Variants in P4HA2 observed in about 807,000 individuals in gnomAD.
P4HA2 encodes prolyl 4-hydroxylase subunit alpha 2.
In P4HA2, 46 loss-of-function variants were observed where a neutral mutation model predicts 76.9. That is an observed-to-expected ratio of 0.60 (90% CI 0.47 to 0.76). P4HA2 has a LOEUF of 0.76. Ranked by LOEUF, P4HA2 falls within the 30% of genes least tolerant of loss-of-function variation. P4HA2 has a pLI of 0.00. For synonymous variants in P4HA2, 243 were observed against 254.0 expected (o/e 0.96, Z 0.41); for missense variants, 583 against 669.4 (o/e 0.87, Z 1.42).
intron 8 of P4HA2, among the ~76,000 whole-genome samples, chr5:132,206,465 A>C (rs181775172): frequency 2.1e-4 from 32 of 152,330 alleles, no homozygotes; most frequent in African/African-American, 7.0e-4. Flanking sequence ...AGGTCTCTCC[A>C]TGAGTGTCGG....
intron 1 of P4HA2, among the ~76,000 whole-genome samples, chr5:132,223,628 T>C (rs1258637591): frequency 1.3e-5 from 2 of 152,206 alleles, no homozygotes; most frequent in Non-Finnish European, 2.9e-5. Context: ...AAGCATTAAG[T>C]ACTTAAGCTC....
intron 4 of P4HA2, 79 bp downstream of exon 4, chr5:132,217,118 G>C (rs1323875548): frequency 3.6e-6 from 5 of 1,404,120 alleles, no homozygotes; most frequent in Non-Finnish European, 4.9e-6. Flanking sequence ...CCAGACCCAA[G>C]ACAGGCTCAG....
chr5:132,204,044 G>T, intron 9 of P4HA2, 38 bp downstream of exon 9: 1 of 1,553,248 alleles, frequency 6.4e-7, no homozygotes, highest in Non-Finnish European at 8.9e-7. Context: ...TCCTGAAGTT[G>T]GGGCTTGAGC....
In P4HA2 at chr5:132,198,361, A is replaced by G; in HGVS notation, c.1325T>C (p.Leu442Pro). The G allele has an allele frequency of 1.2e-6, 2 of 1,613,702 alleles. No homozygotes were observed. The highest frequency in any genetic ancestry group is 1.7e-6 in the Non-Finnish European group (2 of 1,180,032). Residue 442 changes from leucine (L) to proline (P), a missense_variant, in exon 12 of 15, where the codon CTC becomes CCC. By Grantham distance (98) the Leu-to-Pro change is moderately conservative. Transcript: ENST00000360568. ...CGCTAACCTATTCCCCTCTGTTTTG[A>G]GGCCGCTGTCAAAAGGTCGCTGCAA... ...DFSRRPFDSG[L>P]KTEGNRLATF...
rs781241900 is a variant in P4HA2, at chr5:132,209,223, G to A, written c.818C>T (p.Pro273Leu). 1.1e-5 allele frequency: 17 copies of A among 1,613,834 alleles called. No individual in the cohort carries two copies. In the African/African-American group the frequency reaches 2.3e-4, roughly 22 times the overall value. ...CACAGGCCTCTCATAGATGCCTTCT[G>A]GGGTTGCTAGCTCAGCTTCTGTCTG... is the stretch of plus-strand genomic sequence containing the variant. ...TNQTEAELATPEGIYERPVDY... is the reference protein window; with the variant it reads ...TNQTEAELATLEGIYERPVDY... The change falls in exon 7 of 15, where the codon CCA (proline) becomes CTA (leucine). Residue 273 changes from proline (P) to leucine (L), a missense_variant. Physicochemically the swap from Pro to Leu is moderately conservative, Grantham distance 98. Coordinates refer to ENST00000360568, the MANE Select transcript of P4HA2 (RefSeq NM_001017974.2).
intron 10 of P4HA2, chr5:132,201,134 G>A (rs1000713188): frequency 1.3e-5 from 2 of 152,222 alleles, no homozygotes; most frequent in Non-Finnish European, 2.9e-5. Context: ...TTTGAAAGAT[G>A]TGGGTATTTA....
intron 12 of P4HA2, among the ~76,000 whole-genome samples, chr5:132,197,230 G>T (rs1255953527): frequency 6.6e-6 from 1 of 152,146 alleles, no homozygotes; most frequent in East Asian, 1.9e-4. Context: ...GAGAGCTAAG[G>T]CTATCTCCTC....
At position 132,218,518 on chromosome 5, in the gene P4HA2, G is replaced by C; in HGVS notation, c.82+27C>G. On this transcript the variant is annotated intron_variant, in intron 2 of 14. Transcript: ENST00000360568. ...CGTGGCATGTGAGCCAAGGTGTCAG[G>C]GAGACGACAGTCCTGTTGGCACGTA... 4 of 1,520,540 alleles carry C rather than the reference G, an allele frequency of 2.6e-6. No homozygotes were observed. The Admixed American group carries it at 6.7e-5, about 25-fold the overall frequency. The allele number at this position is 1,520,540 out of a possible 1,614,324, so 94.2% of individuals were successfully genotyped here. A position where few individuals can be genotyped will look rare whatever the true frequency, so the allele number is the denominator to read the frequency against.
chr5:132,208,989 CAT>C (rs1171079255), intron 7 of P4HA2, 147 bp downstream of exon 7: 6 of 642,462 alleles, frequency 9.3e-6, no homozygotes, highest in Non-Finnish European at 1.6e-5. Context: ...AGAATATCCA[CAT>C]GTCAGCCTCA....
rs531938546 is a variant in P4HA2, at chr5:132,193,245, C to T, written c.1532-165G>A. 8 of 589,452 alleles carry T rather than the reference C, an allele frequency of 1.4e-5. No homozygotes were observed. In the East Asian group the frequency reaches 2.2e-4, roughly 16 times the overall value. The allele number at this position is 589,452 out of a possible 1,614,324, so 36.5% of individuals were successfully genotyped here. On this transcript the variant is annotated intron_variant, in intron 14 of 14. Coordinates refer to ENST00000360568, the MANE Select transcript of P4HA2 (RefSeq NM_001017974.2). ...TGCTGAAGAATTGGTAAGGAAGACA[C>T]ATGTAAACAGATAATTGTATGAAAT...
chr5:132,212,773 T>C (rs1228238330), intron 5 of P4HA2, among the ~76,000 whole-genome samples: 1 of 152,206 alleles, frequency 6.6e-6, no homozygotes, highest in Non-Finnish European at 1.5e-5. Flanking sequence ...AATTCCTTTC[T>C]GCCCCATAAC....
At chr5:132,212,206 G>A (rs978968615) in intron 5 of P4HA2, among the ~76,000 whole-genome samples, 4 of 152,110 alleles carry the variant, frequency 2.6e-5, no homozygotes, top group Admixed American at 6.5e-5. Context: ...AGTCATGCAG[G>A]ACCCCAAAGA....
At chr5:132,227,048 T>C (rs933692892) in intron 1 of P4HA2, 2 of 152,624 alleles carry the variant, frequency 1.3e-5, no homozygotes, top group African/African-American at 4.8e-5. Flanking sequence ...CTCTACCAAG[T>C]ACCCACTGCC....
intron 6 of P4HA2, among the ~76,000 whole-genome samples, chr5:132,210,021 CAG>C (rs2126590060): frequency 6.6e-6 from 1 of 152,272 alleles, no homozygotes; most frequent in African/African-American, 2.4e-5. Flanking sequence ...TACACCATAA[CAG>C]AGTCCTTATT....
intron 12 of P4HA2, among the ~76,000 whole-genome samples, chr5:132,197,586 T>C: frequency 1.6e-5 from 2 of 121,338 alleles, no homozygotes; most frequent in Non-Finnish European, 1.6e-5. Flanking sequence ...CCAGTCTGGG[T>C]GACAGAGCAA....
rs199747335 is a variant in P4HA2, at chr5:132,192,730, A to G, written c.*280T>C. On this transcript the variant is annotated 3_prime_UTR_variant, in exon 15 of 15. Transcript: ENST00000360568. Reference sequence around the variant, plus strand: ...TGGTTCACTGAAACATCTCACACCTAAAACACCTGAGGTACAAAGGCACCT... The same window carrying G: ...TGGTTCACTGAAACATCTCACACCTGAAACACCTGAGGTACAAAGGCACCT... The G allele has an allele frequency of 1.3e-5, 5 of 370,676 alleles. No homozygotes were observed. Among genetic ancestry groups the G allele is most frequent in the Admixed American group, 8.9e-5 (2 of 22,572 alleles). 23.0% of individuals were successfully genotyped at this position (370,676 alleles called of 1,614,324 possible).
At position 132,190,302 on chromosome 5, in the gene P4HA2, T is replaced by C. The variant is rs1471723226; in HGVS notation, c.*2708A>G. Among the ~76,000 whole-genome samples the C allele has an allele frequency of 6.6e-6, 1 of 152,242 alleles. No individual in the cohort carries two copies. The highest frequency in any genetic ancestry group is 6.5e-5 in the Admixed American group (1 of 15,282). ...TCTATTCTCAGCTGCAAGCTCATCC[T>C]TGTAGTCTCTACTGTTCTACTGTAG... On this transcript the variant is annotated 3_prime_UTR_variant, in exon 15 of 15. Coordinates refer to ENST00000360568, the MANE Select transcript of P4HA2 (RefSeq NM_001017974.2).
chr5:132,207,594 C>A, intron 8 of P4HA2, 114 bp downstream of exon 8: 1 of 806,636 alleles, frequency 1.2e-6, no homozygotes, highest in Non-Finnish European at 2.0e-6. Context: ...TAGGCCCATG[C>A]TAGATATGGA....
intron 5 of P4HA2, among the ~76,000 whole-genome samples, chr5:132,213,036 T>C (rs1235221014): frequency 3.9e-5 from 6 of 152,104 alleles, no homozygotes; most frequent in Non-Finnish European, 4.4e-5. Context: ...AAACATCTTC[T>C]TATAAACACT....
Sources: gnomAD v4.1 joint callset for allele counts (sites outside exome capture counted in the v4.1 genomes callset) on GRCh38, gnomAD v4.1.1 for gene constraint, MANE v1.5 for transcripts, NCBI Gene and HGNC (gene_info 2026-07-23, HGNC 2026-07-21) for gene names.